Variants in DSTN observed in about 807,000 individuals in gnomAD.
DSTN encodes the protein destrin, actin depolymerizing factor.
Under a neutral mutation model 16.8 loss-of-function variants are expected in DSTN, and 10 were observed. The observed-to-expected ratio is 0.60, with a 90% CI of 0.37 to 1.01. The LOEUF (loss-of-function observed/expected upper bound fraction) is 1.01. Ranked by LOEUF, DSTN falls within the 50% of genes least tolerant of loss-of-function variation. DSTN has a pLI of 0.01. For synonymous variants in DSTN, 57 were observed against 58.9 expected (o/e 0.97, Z 0.14); for missense variants, 141 against 196.7 (o/e 0.72, Z 1.69).
intron 1 of DSTN, 51 bp from the exon 2 acceptor site, chr20:17,600,687 T>G: frequency 6.7e-7 from 1 of 1,493,088 alleles, no homozygotes; most frequent in African/African-American, 1.4e-5. Flanking sequence ...TATTTTATGT[T>G]TGGCACAATA....
At chr20:17,584,979 T>G (rs56288005) in intron 1 of DSTN, among the ~76,000 whole-genome samples, 3,446 of 152,298 alleles carry the variant, frequency 0.023, 117 homozygotes, top group African/African-American at 0.078. Context: ...GGGCTGTCTG[T>G]TTTTTTAGTA....
At chr20:17,602,101 A>G (rs893205668) in intron 2 of DSTN, among the ~76,000 whole-genome samples, 1 of 152,180 alleles carries the variant, frequency 6.6e-6, no homozygotes, top group Non-Finnish European at 1.5e-5. Context: ...AAAAAGGAAG[A>G]TAACTCGAGG....
chr20:17,596,805 G>C, intron 1 of DSTN: 1 of 985,426 alleles, frequency 1.0e-6, no homozygotes, highest in Non-Finnish European at 1.2e-6. Context: ...GTTACAGCCA[G>C]ATTTGGCTGA....
chr20:17,599,741 A>C (rs2035566644), intron 1 of DSTN: 1 of 152,226 alleles, frequency 6.6e-6, no homozygotes. Flanking sequence ...TTTGTTGTAT[A>C]ACTGATGGGG....
intron 1 of DSTN, among the ~76,000 whole-genome samples, chr20:17,572,133 T>A (rs572277596): frequency 6.6e-6 from 1 of 152,346 alleles, no homozygotes; most frequent in African/African-American, 2.4e-5. Context: ...TAAGATTAAA[T>A]TTTAACTACC....
chr20:17,583,184 T>C (rs746548936), intron 1 of DSTN, among the ~76,000 whole-genome samples: 1 of 152,220 alleles, frequency 6.6e-6, no homozygotes, highest in Non-Finnish European at 1.5e-5. Context: ...AATGAAAAGA[T>C]TATTGTAGCA....
chr20:17,602,826 A>G (rs578165484), intron 2 of DSTN, among the ~76,000 whole-genome samples: 2 of 152,198 alleles, frequency 1.3e-5, no homozygotes, highest in East Asian at 3.9e-4. Flanking sequence ...AGAGATCGAG[A>G]CCATCCTGGC....
chr20:17,602,510 G>C (rs2035597279), intron 2 of DSTN, among the ~76,000 whole-genome samples: 1 of 152,104 alleles, frequency 6.6e-6, no homozygotes, highest in African/African-American at 2.4e-5. Context: ...TTTTTTAAAT[G>C]TGGAAAATAA....
chr20:17,602,633 A>G (rs2035598583), intron 2 of DSTN, among the ~76,000 whole-genome samples: 3 of 152,236 alleles, frequency 2.0e-5, no homozygotes. Flanking sequence ...AGCTCCGCCC[A>G]TGGCCCAGGG....
chr20:17,591,433 A>G (rs2035467857), intron 1 of DSTN, among the ~76,000 whole-genome samples: 1 of 152,054 alleles, frequency 6.6e-6, no homozygotes, highest in Non-Finnish European at 1.5e-5. Flanking sequence ...AGTCCGTGGC[A>G]CACACAAAAA....
rs112503886 is a variant in DSTN at position 17,604,647 on chromosome 20, C to T, written c.388+16C>T. The T allele has an allele frequency of 2.5e-6, 4 of 1,606,514 alleles. No individual in the cohort carries two copies. The highest frequency in any genetic ancestry group is 3.4e-6 in the Non-Finnish European group (4 of 1,177,274). Reference sequence around the variant, plus strand: ...AAATTTCAAGGTATGTTCTAGATGACCTCTGAATATGTAGAGGTATGGTGA... The same window carrying T: ...AAATTTCAAGGTATGTTCTAGATGATCTCTGAATATGTAGAGGTATGGTGA... On this transcript the variant is annotated intron_variant, in intron 3 of 3. Transcript: ENST00000246069.
rs1196408420 is a variant in DSTN at position 17,583,016 on chromosome 20, A to G, written c.3+12805A>G. 2.0e-5 allele frequency among the ~76,000 whole-genome samples: 3 copies of G among 152,236 alleles called. No homozygotes were observed. In the East Asian group the frequency reaches 5.8e-4, roughly 29 times the overall value. On this transcript the variant is annotated intron_variant, in intron 1 of 3. Transcript: ENST00000246069. ...TAAAGGACTTACAACTCAACAATCA[A>G]AAACCCACTTGTTTGGGCAAAGGAT... is the stretch of plus-strand genomic sequence containing the variant.
At chr20:17,570,256 C>A (rs1304856857) in intron 1 of DSTN, 45 bp downstream of exon 1, 1 of 1,471,860 alleles carries the variant, frequency 6.8e-7, no homozygotes, top group Admixed American at 2.3e-5. Context: ...CGGCCGGGAG[C>A]AGTGTGTCTC....
rs57914391 is a variant in DSTN at position 17,596,769 on chromosome 20, TACTG to T, written c.4-3967_4-3964del. The T allele has an allele frequency of 6.2e-3, 6,110 of 985,410 alleles. 172 individuals are homozygous for T. In the African/African-American group the frequency reaches 0.079, roughly 13 times the overall value. The allele number at this position is 985,410 out of a possible 1,614,324, so 61.0% of individuals were successfully genotyped here. On this transcript the variant is annotated intron_variant, in intron 1 of 3. Transcript: ENST00000246069. The stretch of plus-strand genomic sequence containing the variant: ...TAGAAAAAAAGACAAAATTCTTCCT[TACTG>T]AGGCTTTTAAGGAGCTTGTAAGTTA...
Position 17,570,143 on chromosome 20 carries a change from G to A in DSTN, c.-66G>A. On this transcript the variant is annotated 5_prime_UTR_variant, in exon 1 of 4. Coordinates refer to ENST00000246069, the MANE Select transcript of DSTN (RefSeq NM_006870.4). ...TCTCTCGGTCCCGCAGCCGTGAGGA[G>A]GACGGTCTGCATACTCGCTGCCCGC... 1.3e-6 allele frequency: 2 copies of A among 1,514,094 alleles called. No individual in the cohort carries two copies. Among genetic ancestry groups the A allele is most frequent in the South Asian group, 1.2e-5 (1 of 82,672 alleles). 93.8% of individuals were successfully genotyped at this position (1,514,094 alleles called of 1,614,324 possible).
At chr20:17,586,406 G>A (rs1452094034) in intron 1 of DSTN, among the ~76,000 whole-genome samples, 2 of 152,176 alleles carry the variant, frequency 1.3e-5, no homozygotes, top group East Asian at 1.9e-4. Flanking sequence ...CATCATTGCA[G>A]ATTTTGATTT....
chr20:17,578,214 G>C (rs2035301049), intron 1 of DSTN, among the ~76,000 whole-genome samples: 1 of 152,226 alleles, frequency 6.6e-6, no homozygotes, highest in Non-Finnish European at 1.5e-5. Flanking sequence ...GCTCTTTTAA[G>C]ATGGGGATCG....
At chr20:17,597,364 T>C (rs1329546762) in intron 1 of DSTN, among the ~76,000 whole-genome samples, 1 of 152,190 alleles carries the variant, frequency 6.6e-6, no homozygotes, top group Non-Finnish European at 1.5e-5. Context: ...ATGAATGAGA[T>C]GATGAAATAG....
intron 1 of DSTN, chr20:17,592,052 C>T (rs956327596): frequency 1.0e-6 from 1 of 985,360 alleles, no homozygotes; most frequent in Non-Finnish European, 1.2e-6. Flanking sequence ...CAGTGTTGGG[C>T]CAGGCTTTAG....
Sources: allele counts gnomAD v4.1 joint callset (sites outside exome capture counted in the v4.1 genomes callset), GRCh38; gene constraint gnomAD v4.1.1; transcripts MANE v1.5; gene names NCBI Gene and HGNC (gene_info 2026-07-23, HGNC 2026-07-21).